NDE1: variants seen among roughly 807,000 people sequenced by gnomAD.
NDE1 encodes the protein nuclear distribution protein nudE homolog 1.
NDE1 carries 28 observed loss-of-function variants against 43.4 expected under a neutral mutation model. That is an observed-to-expected ratio of 0.65 (90% CI 0.48 to 0.89). The LOEUF (loss-of-function observed/expected upper bound fraction) is 0.89. NDE1 is among the 40% of genes least tolerant of loss of function. The pLI is 0.00. For missense variants in NDE1, 441 were observed against 434.1 expected (o/e 1.02, Z -0.14); for synonymous variants, 184 against 172.0 (o/e 1.07, Z -0.55).
At chr16:15,648,888 C>T (rs1281155431), upstream of NDE1, among the ~76,000 whole-genome samples, 4 of 152,068 alleles carry the variant, frequency 2.6e-5, no homozygotes, top group African/African-American at 9.7e-5. Flanking sequence ...CTGGCACACA[C>T]AGCCATTTAA....
At chr16:15,718,829 T>C (rs1423164757) in intron 8 of NDE1, 6 of 404,372 alleles carry the variant, frequency 1.5e-5, no homozygotes, top group African/African-American at 6.1e-5. Flanking sequence ...AGCAGCAGCA[T>C]TGAAATGGGG....
At position 15,694,100 on chromosome 16, in the gene NDE1, C is replaced by T. The variant is rs996584644; in HGVS notation, c.704-65C>T. 35 of 1,577,092 alleles carry T rather than the reference C, an allele frequency of 2.2e-5. No individual in the cohort carries two copies. The South Asian group carries it at 3.4e-4, about 15-fold the overall frequency. ...TCCTGTCCCGTGGTTTTGGATCTAG[C>T]GATGTTAACGCACAGACATGACTAT... On this transcript the variant is annotated intron_variant, in intron 6 of 8. Transcript: ENST00000396354.
chr16:15,683,699 TACA>T (rs2038295266), intron 4 of NDE1, among the ~76,000 whole-genome samples: 1 of 152,154 alleles, frequency 6.6e-6, no homozygotes, highest in Non-Finnish European at 1.5e-5. Flanking sequence ...TCACTCCAGT[TACA>T]ACTAGCATGC....
intron 4 of NDE1, among the ~76,000 whole-genome samples, chr16:15,678,413 G>A (rs1294774265): frequency 6.6e-6 from 1 of 152,038 alleles, no homozygotes; most frequent in African/African-American, 2.4e-5. Context: ...TCGCCAGGTT[G>A]GTGTACAGTG....
At chr16:15,678,025 C>T in intron 4 of NDE1, 76 bp downstream of exon 4, 1 of 1,561,284 alleles carries the variant, frequency 6.4e-7, no homozygotes, top group Non-Finnish European at 8.8e-7. Flanking sequence ...GGTACTGGGC[C>T]CTGTGCTGAG....
chr16:15,719,171 T>TC (rs771797012), intron 8 of NDE1: 2 of 1,530,774 alleles, frequency 1.3e-6, no homozygotes, highest in East Asian at 2.2e-5. Context: ...ATGCTGCCTG[T>TC]CCCCCCATCC....
Position 15,667,278 on chromosome 16 carries a change from T to C in NDE1, c.84-8T>C, listed in dbSNP as rs759154640. ...ATTACTACGTGATGATTAACAATTTTGCTGTAGGGCAGAAAATACGCAAGA... is the reference window on the plus strand; with the variant it reads ...ATTACTACGTGATGATTAACAATTTCGCTGTAGGGCAGAAAATACGCAAGA... On this transcript the variant is annotated splice_polypyrimidine_tract_variant and splice_region_variant and intron_variant, in intron 2 of 8. Transcript: ENST00000396354. 6.2e-7 allele frequency: 1 copy of C among 1,614,088 alleles called. No homozygotes were observed. The highest frequency in any genetic ancestry group is 1.1e-5 in the South Asian group (1 of 91,088).
At chr16:15,664,954 G>T in intron 2 of NDE1, 93 bp downstream of exon 2, 13 of 1,002,598 alleles carry the variant, frequency 1.3e-5, no homozygotes, top group Middle Eastern at 3.1e-4. Flanking sequence ...GCTGTTCCTA[G>T]GCGTGATCAT....
intron 3 of NDE1, among the ~76,000 whole-genome samples, chr16:15,673,170 TTTCTC>T (rs1335958721): frequency 1.3e-5 from 2 of 152,244 alleles, no homozygotes; most frequent in African/African-American, 4.8e-5. Context: ...TGGGAAGTGT[TTTCTC>T]TTATGTTTGT....
At chr16:15,650,469 C>A (rs1487361918) in intron 1 of NDE1, among the ~76,000 whole-genome samples, 175 bp downstream of exon 1, 1 of 152,258 alleles carries the variant, frequency 6.6e-6, no homozygotes, top group Non-Finnish European at 1.5e-5. Context: ...CTCCCCCGGT[C>A]CCTGGGCTCC....
intron 8 of NDE1, chr16:15,717,392 C>A: frequency 6.3e-7 from 1 of 1,592,866 alleles, no homozygotes; most frequent in Non-Finnish European, 8.5e-7. Flanking sequence ...CAGGGAAGCC[C>A]AAGAGAGCGC....
At chr16:15,680,685 G>GC (rs1257842844) in intron 4 of NDE1, among the ~76,000 whole-genome samples, 1 of 151,858 alleles carries the variant, frequency 6.6e-6, no homozygotes, top group Non-Finnish European at 1.5e-5. Flanking sequence ...GATTACAGGC[G>GC]CCCCCCACCA....
chr16:15,709,087 C>T (rs1283826853), intron 8 of NDE1, among the ~76,000 whole-genome samples: 5 of 151,768 alleles, frequency 3.3e-5, no homozygotes, highest in South Asian at 2.1e-4. Context: ...GGATTACAGG[C>T]AGGCCCCACG....
intron 8 of NDE1, chr16:15,721,532 G>C: frequency 6.2e-7 from 1 of 1,614,186 alleles, no homozygotes; most frequent in Non-Finnish European, 8.5e-7. Context: ...TCAAGGGCCC[G>C]AGCCAGGGAC....
At chr16:15,652,667 GT>G (rs1227347328) in intron 1 of NDE1, among the ~76,000 whole-genome samples, 3 of 152,062 alleles carry the variant, frequency 2.0e-5, no homozygotes, top group Admixed American at 6.6e-5. Context: ...CCAAGTTTTT[GT>G]TTGTTTGTTT....
rs764843752 is a variant in NDE1, at chr16:15,704,067, A to G, written c.947+7207A>G. 4 of 1,614,112 alleles carry G rather than the reference A, an allele frequency of 2.5e-6. No individual in the cohort carries two copies. The highest frequency in any genetic ancestry group is 2.7e-5 in the African/African-American group (2 of 75,004). ...CTCCTCAGAACCATCTGCATTTTCA[A>G]TAACTCTACGTCCTCCAGACCTTCT... On this transcript the variant is annotated intron_variant, in intron 8 of 8. Coordinates refer to ENST00000396354, the MANE Select transcript of NDE1 (RefSeq NM_017668.3).
intron 1 of NDE1, among the ~76,000 whole-genome samples, chr16:15,651,250 C>T (rs562539049): frequency 6.6e-6 from 1 of 152,156 alleles, no homozygotes; most frequent in East Asian, 1.9e-4. Context: ...AAAGAAAAGG[C>T]CTTTGCAGCA....
rs181108721 is a variant in NDE1, at chr16:15,706,059, T to C, written c.947+9199T>C. 7.4e-4 allele frequency among the ~76,000 whole-genome samples: 111 copies of C among 150,586 alleles called. 1 individual carries two copies. The highest frequency in any genetic ancestry group is 2.6e-3 in the African/African-American group (106 of 40,880). ...GAAGAGGAATTCGCAAATGACCCTTTTGTTGACAGAGGATGGGAGAGACCC... is the reference window on the plus strand; with the variant it reads ...GAAGAGGAATTCGCAAATGACCCTTCTGTTGACAGAGGATGGGAGAGACCC... On this transcript the variant is annotated intron_variant, in intron 8 of 8. Coordinates refer to ENST00000396354, the MANE Select transcript of NDE1 (RefSeq NM_017668.3).
At chr16:15,723,959 A>G (rs2040613945) in intron 8 of NDE1, among the ~76,000 whole-genome samples, 1 of 152,228 alleles carries the variant, frequency 6.6e-6, no homozygotes, top group Non-Finnish European at 1.5e-5. Context: ...ACAGTCATCA[A>G]GGCTTCTTTG....
Sources: allele counts gnomAD v4.1 joint callset (sites outside exome capture counted in the v4.1 genomes callset), GRCh38; gene constraint gnomAD v4.1.1; transcripts MANE v1.5; gene names NCBI Gene and HGNC (gene_info 2026-07-23, HGNC 2026-07-21).